The following GPR158 variants were observed in gnomAD, a reference collection of about 807,000 sequenced individuals.
GPR158 encodes G protein-coupled receptor 158.
Under a neutral mutation model 78.2 loss-of-function variants are expected in GPR158, and 30 were observed. The observed-to-expected ratio is 0.38, with a 90% CI of 0.29 to 0.52. The LOEUF (loss-of-function observed/expected upper bound fraction) is 0.52, where lower values mean the gene tolerates loss of function less well. Ranked by LOEUF, GPR158 falls within the 20% of genes least tolerant of loss-of-function variation. GPR158 has a pLI of 0.83. For synonymous variants in GPR158, 581 were observed against 591.1 expected, an observed-to-expected ratio of 0.98 and a Z score of 0.25; for missense variants, 1,463 against 1,523.5, an observed-to-expected ratio of 0.96 and a Z score of 0.66.
chr10:25,510,176 T>C (rs1021816781), intron 5 of GPR158, among the ~76,000 whole-genome samples: 7 of 152,158 alleles, frequency 4.6e-5, no homozygotes, highest in African/African-American at 1.4e-4. Flanking sequence ...CTTTGGAAAA[T>C]AGAGTCTTCC....
chr10:25,380,797 T>C (rs1834144206), intron 2 of GPR158, among the ~76,000 whole-genome samples: 1 of 152,218 alleles, frequency 6.6e-6, no homozygotes, highest in Non-Finnish European at 1.5e-5. Context: ...TATGAAGCAG[T>C]TATACTAATT....
chr10:25,314,721 A>G (rs1854820346), intron 2 of GPR158, among the ~76,000 whole-genome samples: 1 of 150,420 alleles, frequency 6.6e-6, no homozygotes, highest in Non-Finnish European at 1.5e-5. Context: ...AAACGTGTTT[A>G]AGACTATAAA....
At chr10:25,511,818 G>C (rs766858543) in intron 5 of GPR158, among the ~76,000 whole-genome samples, 5 of 151,990 alleles carry the variant, frequency 3.3e-5, no homozygotes, top group Admixed American at 3.3e-4. Flanking sequence ...GTTTTTGTTT[G>C]ATTTGTCGAA....
At chr10:25,277,130 A>T (rs762114565) in intron 2 of GPR158, among the ~76,000 whole-genome samples, 6 of 151,884 alleles carry the variant, frequency 4.0e-5, no homozygotes, top group East Asian at 1.9e-4. Flanking sequence ...AAAAATTTTT[A>T]AAAGAAATTA....
At chr10:25,379,635 T>C (rs1834127052) in intron 2 of GPR158, among the ~76,000 whole-genome samples, 1 of 146,790 alleles carries the variant, frequency 6.8e-6, no homozygotes, top group South Asian at 2.2e-4. Context: ...AACAAATTTT[T>C]TTGAGGATTA....
intron 8 of GPR158, among the ~76,000 whole-genome samples, chr10:25,591,530 C>G (rs17558301): frequency 0.043 from 6,548 of 152,112 alleles, 203 homozygotes; most frequent in Middle Eastern, 0.072. Flanking sequence ...CCATGTTGAA[C>G]CTAGTAAATT....
intron 1 of GPR158, among the ~76,000 whole-genome samples, chr10:25,184,446 C>T (rs1243237726): frequency 6.6e-6 from 1 of 152,180 alleles, no homozygotes; most frequent in Non-Finnish European, 1.5e-5. Flanking sequence ...ACACTCAGCT[C>T]CTGCTGTATA....
chr10:25,559,480 A>C (rs1303169126), intron 6 of GPR158, among the ~76,000 whole-genome samples: 1 of 152,192 alleles, frequency 6.6e-6, no homozygotes, highest in East Asian at 1.9e-4. Flanking sequence ...TCTAAAGAAA[A>C]AAATATTAGG....
At chr10:25,206,339 A>G (rs1853029976) in intron 1 of GPR158, among the ~76,000 whole-genome samples, 1 of 152,162 alleles carries the variant, frequency 6.6e-6, no homozygotes, top group African/African-American at 2.4e-5. Flanking sequence ...GATTAAATAT[A>G]AGAACAACCC....
At chr10:25,222,570 G>C (rs562065468) in intron 2 of GPR158, among the ~76,000 whole-genome samples, 1 of 152,118 alleles carries the variant, frequency 6.6e-6, no homozygotes, top group Non-Finnish European at 1.5e-5. Context: ...TTAGGGTTTT[G>C]AACATTTCTG....
At chr10:25,389,857 T>C (rs1032461604) in intron 2 of GPR158, among the ~76,000 whole-genome samples, 1 of 152,174 alleles carries the variant, frequency 6.6e-6, no homozygotes, top group African/African-American at 2.4e-5. Context: ...TGATATGGTT[T>C]GGCTTTATTC....
At chr10:25,595,513 C>A (rs1271349015) in intron 9 of GPR158, among the ~76,000 whole-genome samples, 1 of 152,184 alleles carries the variant, frequency 6.6e-6, no homozygotes, top group African/African-American at 2.4e-5. Context: ...TGTTTACCAA[C>A]TGACAAATGT....
intron 2 of GPR158, among the ~76,000 whole-genome samples, chr10:25,354,923 G>T (rs1487144641): frequency 1.3e-5 from 2 of 151,996 alleles, no homozygotes; most frequent in African/African-American, 2.4e-5. Context: ...GAAGTCTGTT[G>T]CCAGACATAT....
At chr10:25,347,572 C>T (rs544463591) in intron 2 of GPR158, among the ~76,000 whole-genome samples, 66 of 152,062 alleles carry the variant, frequency 4.3e-4, no homozygotes, top group African/African-American at 1.5e-3. Context: ...TTCTATTTGA[C>T]ATATGTTAGG....
chr10:25,595,932 GA>G (rs1401100729), intron 9 of GPR158, among the ~76,000 whole-genome samples: 1 of 152,170 alleles, frequency 6.6e-6, no homozygotes, highest in Non-Finnish European at 1.5e-5. Context: ...AAATATTATA[GA>G]GGGGCATTGC....
Position 25,598,991 on chromosome 10 carries a change from C to T in GPR158, c.3365C>T (p.Pro1122Leu), listed in dbSNP as rs148286645. The T allele has an allele frequency of 3.2e-5, 52 of 1,613,958 alleles. No individual in the cohort carries two copies. The highest frequency in any genetic ancestry group is 4.0e-5 in the Non-Finnish European group (47 of 1,180,034). ...VCAGQSEELP[P>L]KAVASKTENE... Reference sequence around the variant, plus strand: ...GCTGGGCAGAGCGAAGAACTGCCCCCCAAAGCTGTAGCATCAAAAACAGAG... The same window carrying T: ...GCTGGGCAGAGCGAAGAACTGCCCCTCAAAGCTGTAGCATCAAAAACAGAG... The change falls in exon 11 of 11, where the codon CCC becomes CTC. Residue 1122 changes from proline (P) to leucine (L), a missense_variant. Coordinates refer to ENST00000376351, the MANE Select transcript of GPR158 (RefSeq NM_020752.3).
intron 5 of GPR158, among the ~76,000 whole-genome samples, chr10:25,540,945 A>AT (rs1836570970): frequency 1.2e-4 from 10 of 82,920 alleles, no homozygotes; most frequent in African/African-American, 4.9e-4. Flanking sequence ...GTATAATAAA[A>AT]ATATATATAT....
At chr10:25,373,213 G>A (rs10828789) in intron 2 of GPR158, among the ~76,000 whole-genome samples, 2 of 151,748 alleles carry the variant, frequency 1.3e-5, no homozygotes, top group Admixed American at 1.3e-4. Flanking sequence ...ACTGCATATT[G>A]TCGTTTATAA....
chr10:25,596,923 T>C (rs144719568), intron 10 of GPR158, 134 bp downstream of exon 10: 109 of 712,932 alleles, frequency 1.5e-4, no homozygotes, highest in African/African-American at 1.5e-3. Context: ...AAAGAGGGAA[T>C]GTGTTTGGGT....
Sources: allele counts gnomAD v4.1 joint callset (sites outside exome capture counted in the v4.1 genomes callset), GRCh38; gene constraint gnomAD v4.1.1; transcripts MANE v1.5; gene names NCBI Gene and HGNC (gene_info 2026-07-23, HGNC 2026-07-21).